The following POU6F2 variants were observed in gnomAD, a reference collection of about 807,000 sequenced individuals.
The protein encoded by POU6F2 is POU domain, class 6, transcription factor 2.
In POU6F2, 31 loss-of-function variants were observed where a neutral mutation model predicts 71.3. The observed-to-expected ratio is 0.43, with a 90% CI of 0.33 to 0.59. The LOEUF is 0.59. POU6F2 is among the 20% of genes least tolerant of loss of function. The pLI is 0.04. For synonymous variants in POU6F2, 347 were observed against 355.7 expected (o/e 0.98, Z 0.27); for missense variants, 783 against 856.8 (o/e 0.91, Z 1.07).
At chr7:39,212,585 C>T (rs779643354) in intron 4 of POU6F2, among the ~76,000 whole-genome samples, 5 of 152,162 alleles carry the variant, frequency 3.3e-5, no homozygotes, top group Non-Finnish European at 5.9e-5. Flanking sequence ...TACACTGGGT[C>T]TCTCCATCCC....
At chr7:39,194,432 T>C (rs1332431977) in intron 2 of POU6F2, among the ~76,000 whole-genome samples, 1 of 152,178 alleles carries the variant, frequency 6.6e-6, no homozygotes, top group African/African-American at 2.4e-5. Context: ...TGGAGAAGTT[T>C]TCTGTCTAGC....
Position 39,460,480 on chromosome 7 carries a change from G to T in POU6F2, c.1490-67G>T, listed in dbSNP as rs1016387010. The T allele has an allele frequency of 6.5e-7, 1 of 1,544,246 alleles. No individual in the cohort carries two copies. The highest frequency in any genetic ancestry group is 8.8e-7 in the Non-Finnish European group (1 of 1,133,684). ...AAAGAGAGCCACTTTCTTATAAACCGTAATAAACAGATATTGCTCGGCTGT... is the reference window on the plus strand; with the variant it reads ...AAAGAGAGCCACTTTCTTATAAACCTTAATAAACAGATATTGCTCGGCTGT... On this transcript the variant is annotated intron_variant, in intron 8 of 9. Coordinates refer to ENST00000518318, the MANE Select transcript of POU6F2 (RefSeq NM_001370959.1). This position sits in a 1 kb window ranked among gnomAD's most constrained non-coding sequence, Gnocchi z 4.4.
chr7:39,227,467 T>C (rs10240990), intron 4 of POU6F2, among the ~76,000 whole-genome samples: 84,979 of 151,586 alleles, frequency 0.56, 24,452 homozygotes, highest in East Asian at 0.89. Context: ...TAGCATCACC[T>C]GGGCTTTGTA....
intron 1 of POU6F2, among the ~76,000 whole-genome samples, chr7:38,985,773 G>A (rs1366679260): frequency 6.6e-6 from 1 of 151,998 alleles, no homozygotes; most frequent in East Asian, 1.9e-4. Flanking sequence ...ATTCTTAGGT[G>A]CATTTCTTGG....
intron 2 of POU6F2, among the ~76,000 whole-genome samples, chr7:39,124,887 G>A (rs1317648044): frequency 2.0e-5 from 3 of 151,996 alleles, no homozygotes; most frequent in South Asian, 2.1e-4. Context: ...CTCTTCTTCC[G>A]TTCTTTATAT....
chr7:39,149,542 T>C (rs73365545), intron 2 of POU6F2, among the ~76,000 whole-genome samples: 2,279 of 152,288 alleles, frequency 0.015, 52 homozygotes, highest in African/African-American at 0.052. Context: ...CTAAAATCTA[T>C]TTATTTCACA....
chr7:39,442,287 A>C (rs1300427135), intron 7 of POU6F2, among the ~76,000 whole-genome samples: 2 of 152,332 alleles, frequency 1.3e-5, no homozygotes, highest in East Asian at 3.9e-4. Context: ...CATTCACCAA[A>C]GACTTATACA....
chr7:39,164,660 C>T (rs1168647948), intron 2 of POU6F2, among the ~76,000 whole-genome samples: 1 of 151,744 alleles, frequency 6.6e-6, no homozygotes, highest in Non-Finnish European at 1.5e-5. Context: ...GTGGAGTTCA[C>T]AAAAAGAGCT....
At chr7:39,406,492 G>T in intron 5 of POU6F2, 108 bp from the exon 6 acceptor site, 1 of 1,361,386 alleles carries the variant, frequency 7.3e-7, no homozygotes, top group Non-Finnish European at 1.0e-6. Context: ...CAGGCCCTTT[G>T]CATGAGCGAA....
chr7:39,144,400 A>G (rs776126703), intron 2 of POU6F2, among the ~76,000 whole-genome samples: 16 of 152,238 alleles, frequency 1.1e-4, no homozygotes, highest in Non-Finnish European at 1.8e-4. Context: ...GATATGCATT[A>G]TAATTTCTTT....
At chr7:39,440,724 TG>T (rs1788381696) in intron 7 of POU6F2, among the ~76,000 whole-genome samples, 1 of 152,220 alleles carries the variant, frequency 6.6e-6, no homozygotes, top group African/African-American at 2.4e-5. Flanking sequence ...GTGCCCTTGT[TG>T]GAGAGATGTT....
At chr7:39,353,025 A>G (rs1415341800) in intron 5 of POU6F2, among the ~76,000 whole-genome samples, 2 of 152,224 alleles carry the variant, frequency 1.3e-5, no homozygotes, top group Non-Finnish European at 2.9e-5. Flanking sequence ...CGTTTTCTTG[A>G]CAAAATGGAA....
At position 39,448,419 on chromosome 7, in the gene POU6F2, T is replaced by C. The variant is rs111488847; in HGVS notation, c.1321-3114T>C. ...TTTGTATTGGTTTTTCTGAACTGTT[T>C]GGTTGAACTCTAGAGGTAAGCAGAA... On this transcript the variant is annotated intron_variant, in intron 7 of 9. Transcript: ENST00000518318. 6.6e-3 allele frequency among the ~76,000 whole-genome samples: 1,008 copies of C among 152,322 alleles called. 11 individuals carry two copies. The highest frequency in any genetic ancestry group is 9.7e-3 in the Non-Finnish European group (661 of 68,016).
At chr7:39,108,333 T>C (rs563733682) in intron 2 of POU6F2, among the ~76,000 whole-genome samples, 1 of 152,124 alleles carries the variant, frequency 6.6e-6, no homozygotes, top group South Asian at 2.1e-4. Context: ...CCAATTTCTA[T>C]CCTAGCCTGG....
chr7:39,155,953 AT>A (rs2128735495), intron 2 of POU6F2, among the ~76,000 whole-genome samples: 1 of 152,290 alleles, frequency 6.6e-6, no homozygotes, highest in South Asian at 2.1e-4. Flanking sequence ...TCTTGAGAAA[AT>A]TCCCCTTCCT....
chr7:39,328,068 A>C (rs989740151), intron 4 of POU6F2, among the ~76,000 whole-genome samples: 13 of 152,022 alleles, frequency 8.6e-5, no homozygotes, highest in Non-Finnish European at 1.6e-4. Context: ...CTACAGGTGC[A>C]CACCACCACA....
At chr7:39,047,094 TTACTG>T (rs1415436426) in intron 1 of POU6F2, among the ~76,000 whole-genome samples, 16 of 152,066 alleles carry the variant, frequency 1.1e-4, no homozygotes, top group African/African-American at 3.1e-4. Flanking sequence ...ACTGCCTTGA[TTACTG>T]TAGCTTTATA....
chr7:39,339,736 C>A lies in POU6F2; in HGVS notation c.693C>A (p.Asn231Lys), dbSNP rs540152147. The A allele has an allele frequency of 1.8e-5, 29 of 1,604,320 alleles. No homozygotes were observed. The highest frequency in any genetic ancestry group is 2.2e-5 in the Non-Finnish European group (26 of 1,176,136). Residue 231 changes from asparagine (N) to lysine (K), a missense_variant, in exon 5 of 10, where the codon AAC (asparagine) becomes AAA (lysine). Coordinates refer to ENST00000518318, the MANE Select transcript of POU6F2 (RefSeq NM_001370959.1). ...QQQQQPPPSTNQHPQPAPQAP... is the reference protein window; with the variant it reads ...QQQQQPPPSTKQHPQPAPQAP... ...AGCAGCAGCCTCCCCCGTCAACCAACCAGCACCCGCAACCAGCCCCACAGG... is the reference window on the plus strand; with the variant it reads ...AGCAGCAGCCTCCCCCGTCAACCAAACAGCACCCGCAACCAGCCCCACAGG...
At chr7:39,307,523 G>A (rs1191440524) in intron 4 of POU6F2, among the ~76,000 whole-genome samples, 3 of 152,164 alleles carry the variant, frequency 2.0e-5, no homozygotes, top group African/African-American at 4.8e-5. Flanking sequence ...AGAGATGATT[G>A]AAGATAATTT....
Sources: gnomAD v4.1 joint callset for allele counts (sites outside exome capture counted in the v4.1 genomes callset) on GRCh38, gnomAD v4.1.1 for gene constraint, Gnocchi (gnomAD v3.1) non-coding constraint, MANE v1.5 for transcripts, NCBI Gene and HGNC (gene_info 2026-07-23, HGNC 2026-07-21) for gene names.